The following PRRC2C variants were observed in gnomAD, a reference collection of about 807,000 sequenced individuals.
The protein encoded by PRRC2C is proline rich coiled-coil 2C.
PRRC2C carries 72 observed loss-of-function variants against 317.2 expected under a neutral mutation model. The observed-to-expected ratio is 0.23, with a 90% CI of 0.19 to 0.28. The LOEUF (loss-of-function observed/expected upper bound fraction) is 0.28, where lower values mean the gene tolerates loss of function less well. Ranked by LOEUF, PRRC2C falls within the 10% of genes least tolerant of loss-of-function variation. PRRC2C has a pLI of 1.00. For synonymous variants in PRRC2C, 1,296 were observed against 1,205.9 expected (o/e 1.07, Z -1.55); for missense variants, 3,074 against 3,459.7 (o/e 0.89, Z 2.80).
intron 1 of PRRC2C, among the ~76,000 whole-genome samples, chr1:171,509,371 T>A (rs566781241): frequency 6.6e-6 from 1 of 152,178 alleles, no homozygotes; most frequent in East Asian, 1.9e-4. Context: ...CTGAAGGTAA[T>A]CAGTTAGTAG....
intron 23 of PRRC2C, 45 bp downstream of exon 23, chr1:171,568,384 GCT>G: frequency 1.9e-6 from 3 of 1,556,902 alleles, no homozygotes; most frequent in Non-Finnish European, 2.6e-6. Flanking sequence ...TTGGAACCTG[GCT>G]ATTATTATCA....
rs1676060437 is a variant in PRRC2C, at chr1:171,532,490, C to T, written c.1402C>T (p.Arg468Cys). 2 of 1,611,902 alleles carry T rather than the reference C, an allele frequency of 1.2e-6. No homozygotes were observed. The highest frequency in any genetic ancestry group is 1.1e-5 in the South Asian group (1 of 90,622). Residue 468 changes from arginine (R) to cysteine (C), a missense_variant, in exon 12 of 35, where the codon CGT becomes TGT. By Grantham distance (180) the Arg-to-Cys change is radical (BLOSUM62 -3). This residue lies in a region of PRRC2C where 1,320 missense variants were observed against 1,395.7 expected (regional missense o/e 0.95). Coordinates refer to ENST00000647382, the MANE Select transcript of PRRC2C (RefSeq NM_001387844.1). ...AGCAGTAGAACGTGCTCGTAAACGG[C>T]GTGAAGAGGAAGAGCGAAGAATGGA... Reference protein sequence around the residue: ...SAAVERARKRREEEERRMEEQ... With the variant: ...SAAVERARKRCEEEERRMEEQ...
chr1:171,583,335 T>C (rs147225315), intron 28 of PRRC2C, among the ~76,000 whole-genome samples: 324 of 142,614 alleles, frequency 2.3e-3, no homozygotes, highest in African/African-American at 7.1e-3. Context: ...TTTTAAACTT[T>C]TTTGTTAAAA....
intron 25 of PRRC2C, 104 bp from the exon 26 acceptor site, chr1:171,577,330 A>G: frequency 2.0e-6 from 2 of 980,866 alleles, no homozygotes; most frequent in Admixed American, 4.4e-5. Flanking sequence ...TAAGTACGTG[A>G]TGGGTAGAAA....
chr1:171,546,954 C>T (rs1679225326), intron 17 of PRRC2C, among the ~76,000 whole-genome samples: 1 of 151,968 alleles, frequency 6.6e-6, no homozygotes, highest in African/African-American at 2.4e-5. Flanking sequence ...AGGCCCAGGG[C>T]AGTGGCCCAG....
In PRRC2C at chr1:171,522,247, C is replaced by G. The variant is rs1301716902; in HGVS notation, c.821C>G (p.Ser274Cys). The change falls in exon 7 of 35, where the codon TCT becomes TGT. Residue 274 changes from serine (S) to cysteine (C), a missense_variant. Transcript: ENST00000647382. ...HGPMRFPPSL[S>C]ETNKGLRGRG... ...CCCATGAGATTCCCACCTTCTTTAT[C>G]TGAAACAAACAAGTAAGGCTATTAA... 1.3e-6 allele frequency: 2 copies of G among 1,573,826 alleles called. No homozygotes were observed. The highest frequency in any genetic ancestry group is 2.2e-5 in the East Asian group (1 of 44,566).
intron 1 of PRRC2C, among the ~76,000 whole-genome samples, chr1:171,494,994 G>A (rs1383154985): frequency 5.9e-5 from 9 of 152,174 alleles, no homozygotes; most frequent in Admixed American, 3.3e-4. Context: ...TTGGCAAATT[G>A]TTAAAGTAAT....
At position 171,541,450 on chromosome 1, in the gene PRRC2C, C is replaced by T. The variant is rs182014718; in HGVS notation, c.3984C>T (p.Asp1328=). ...RLLEKPYVRD[D]DKAKPGFLPK... is the part of the protein sequence containing the mutation. Reference sequence around the variant, plus strand: ...TAGAAAAGCCTTATGTAAGGGATGACGATAAAGCTAAACCAGGCTTTCTTC... The same window carrying T: ...TAGAAAAGCCTTATGTAAGGGATGATGATAAAGCTAAACCAGGCTTTCTTC... The change falls in exon 16 of 35, where the codon GAC becomes GAT. Residue 1328 remains aspartate, a synonymous_variant. Transcript: ENST00000647382. The surrounding 1 kb of genome is among the most constrained non-coding windows in gnomAD (Gnocchi z 4.1). 6.8e-6 allele frequency: 11 copies of T among 1,613,760 alleles called. No individual in the cohort carries two copies. The Admixed American group carries it at 8.3e-5, about 12-fold the overall frequency.
At chr1:171,579,658 T>C (rs1334669560) in intron 27 of PRRC2C, among the ~76,000 whole-genome samples, 170 bp from the exon 28 acceptor site, 2 of 152,212 alleles carry the variant, frequency 1.3e-5, no homozygotes, top group African/African-American at 2.4e-5. Flanking sequence ...GAATAAGTAG[T>C]GGGTTGAAAG....
chr1:171,558,768 C>T (rs2102651940), intron 19 of PRRC2C, among the ~76,000 whole-genome samples: 2 of 152,176 alleles, frequency 1.3e-5, no homozygotes, highest in East Asian at 3.9e-4. Context: ...ATTAATAACT[C>T]TCTGGTGGCT....
chr1:171,586,263 T>TTTA (rs1558056429), intron 30 of PRRC2C, among the ~76,000 whole-genome samples: 16 of 145,730 alleles, frequency 1.1e-4, no homozygotes, highest in East Asian at 2.0e-4. Context: ...TTATTTATTT[T>TTTA]TTTTTTTAGT....
chr1:171,535,701 G>A (rs1001725234), intron 13 of PRRC2C, 104 bp downstream of exon 13: 1 of 1,311,154 alleles, frequency 7.6e-7, no homozygotes, highest in South Asian at 1.4e-5. Flanking sequence ...AGCACACAAA[G>A]TTCCCTTGAA....
rs111424086 is a variant in PRRC2C, at chr1:171,586,807, C to T, written c.7750-196C>T. Among the ~76,000 whole-genome samples, 48 of 151,386 alleles carry T rather than the reference C, an allele frequency of 3.2e-4. No homozygotes were observed. The South Asian group carries it at 9.2e-3, about 29-fold the overall frequency. ...TTCACCATGTTGGCCAGGATGGTCT[C>T]GATCTCTTGACCTCGTGATCTGCCC... On this transcript the variant is annotated intron_variant, in intron 30 of 34. Transcript: ENST00000647382.
rs759149618 is a variant in PRRC2C at position 171,588,396 on chromosome 1, C to T, written c.8090C>T (p.Pro2697Leu). 5.0e-6 allele frequency: 8 copies of T among 1,613,414 alleles called. No homozygotes were observed. Among genetic ancestry groups the T allele is most frequent in the Admixed American group, 1.7e-5 (1 of 59,916 alleles). ...SSPFRATSTSPNSQSSKMNSI... is the reference protein window; with the variant it reads ...SSPFRATSTSLNSQSSKMNSI... Reference sequence around the variant, plus strand: ...TTTCCAAGGGCTACTTCTACAAGTCCGAACAGCCAGTCCAGCAAAATGAAC... The same window carrying T: ...TTTCCAAGGGCTACTTCTACAAGTCTGAACAGCCAGTCCAGCAAAATGAAC... Residue 2697 changes from proline (P) to leucine (L), a missense_variant, in exon 33 of 35, where the codon CCG becomes CTG. By Grantham distance (98) the Pro-to-Leu change is moderately conservative. Transcript: ENST00000647382.
chr1:171,529,186 G>A (rs1272554434), intron 11 of PRRC2C, among the ~76,000 whole-genome samples: 1 of 152,126 alleles, frequency 6.6e-6, no homozygotes, highest in Admixed American at 6.5e-5. Context: ...TACACTTCGA[G>A]TGTTGGAGCA....
At chr1:171,512,480 T>C in intron 2 of PRRC2C, 1 of 350,774 alleles carries the variant, frequency 2.9e-6, no homozygotes, top group Non-Finnish European at 5.5e-6. Flanking sequence ...ACTCAGTCAA[T>C]GAGATTGATA....
intron 3 of PRRC2C, 24 bp downstream of exon 3, chr1:171,513,196 T>C (rs777199984): frequency 1.8e-5 from 28 of 1,589,090 alleles, no homozygotes; most frequent in Non-Finnish European, 1.3e-5. Flanking sequence ...TGTTAAAGAA[T>C]GAAGCCCTTC....
rs1461180569 is a variant in PRRC2C, at chr1:171,532,763, A to C, written c.1675A>C (p.Lys559Gln). 1.3e-6 allele frequency: 2 copies of C among 1,532,326 alleles called. No individual in the cohort carries two copies. The highest frequency in any genetic ancestry group is 4.4e-5 in the Admixed American group (2 of 45,006). The allele number at this position is 1,532,326 out of a possible 1,614,324, so 94.9% of individuals were successfully genotyped here. The change falls in exon 12 of 35, where the codon AAA (lysine) becomes CAA (glutamine). Residue 559 changes from lysine to glutamine, a missense_variant. This residue lies in a region of PRRC2C where 1,320 missense variants were observed against 1,395.7 expected (regional missense o/e 0.95). Transcript: ENST00000647382. ...GCAGGAAAAACAAAGAGAAATGGAG[A>C]AAGAAAGAAAGCAAGAAAAAGAAAA... ...KEQEKQREME[K>Q]ERKQEKEKEL...
At chr1:171,514,846 T>C (rs368966198) in intron 4 of PRRC2C, among the ~76,000 whole-genome samples, 1 of 152,236 alleles carries the variant, frequency 6.6e-6, no homozygotes, top group East Asian at 1.9e-4. Context: ...GTCAATGATA[T>C]TGGTTAAGGA....
Sources: allele counts gnomAD v4.1 joint callset (sites outside exome capture counted in the v4.1 genomes callset), GRCh38; gene constraint gnomAD v4.1.1; regional missense constraint gnomAD v4.1.1; non-coding constraint Gnocchi (gnomAD v3.1); transcripts MANE v1.5; gene names NCBI Gene and HGNC (gene_info 2026-07-23, HGNC 2026-07-21).